The following BIRC6 variants were observed in gnomAD, a reference collection of about 807,000 sequenced individuals.
The protein encoded by BIRC6 is dual E2 ubiquitin-conjugating enzyme/E3 ubiquitin-protein ligase BIRC6.
BIRC6 carries 98 observed loss-of-function variants against 503.3 expected under a neutral mutation model. The ratio of observed to expected loss-of-function variants is 0.19; its 90% CI spans 0.17 to 0.23. The LOEUF (loss-of-function observed/expected upper bound fraction) is 0.23. Ranked by LOEUF, BIRC6 falls within the 10% of genes least tolerant of loss-of-function variation. The pLI is 1.00. For missense variants in BIRC6, 5,360 were observed against 5,806.0 expected (o/e 0.92, Z 2.50); for synonymous variants, 2,240 against 2,078.7 (o/e 1.08, Z -2.11).
chr2:32,368,482 G>T (rs955792603), intron 1 of BIRC6, among the ~76,000 whole-genome samples: 10 of 152,094 alleles, frequency 6.6e-5, no homozygotes, highest in Non-Finnish European at 1.2e-4. Context: ...AGAGGTTGCA[G>T]TGAGCTGAAA....
intron 1 of BIRC6, among the ~76,000 whole-genome samples, chr2:32,371,928 C>A (rs545989974): frequency 2.0e-5 from 3 of 152,194 alleles, no homozygotes; most frequent in African/African-American, 7.2e-5. Flanking sequence ...GCCTCAGCCT[C>A]CTGAGTAGCT....
At chr2:32,549,097 C>T in intron 64 of BIRC6, 1 of 355,568 alleles carries the variant, frequency 2.8e-6, no homozygotes, top group Non-Finnish European at 5.1e-6. Context: ...TATGTCTAGT[C>T]ATATGTAGTG....
chr2:32,607,547 A>G lies in BIRC6; in HGVS notation c.14163A>G (p.Thr4721=), dbSNP rs751041777. Residue 4721 remains threonine, a synonymous_variant, in exon 72 of 74, where the codon ACA becomes ACG. Transcript: ENST00000421745. ...YERSRGTPSG[T]QSSREYDGNI... is the part of the protein sequence containing the mutation. ...GGTCTAGAGGCACTCCCAGTGGCAC[A>G]CAGAGTTCTCGAGAATATGATGGAA... The G allele has an allele frequency of 2.5e-6, 4 of 1,613,910 alleles. No individual in the cohort carries two copies. The highest frequency in any genetic ancestry group is 1.1e-5 in the South Asian group (1 of 91,074).
chr2:32,428,172 A>G (rs547517562), intron 10 of BIRC6, among the ~76,000 whole-genome samples: 2 of 152,320 alleles, frequency 1.3e-5, no homozygotes, highest in African/African-American at 4.8e-5. Flanking sequence ...TTGCATAGGC[A>G]TAGAGGCTTA....
At chr2:32,435,264 A>T (rs2044572622) in intron 13 of BIRC6, among the ~76,000 whole-genome samples, 1 of 152,184 alleles carries the variant, frequency 6.6e-6, no homozygotes, top group Admixed American at 6.5e-5. Flanking sequence ...CTTTAGGCAA[A>T]TATTTTATTA....
intron 10 of BIRC6, among the ~76,000 whole-genome samples, chr2:32,425,434 C>CTTTTTTTTTTTTTTT (rs200528146): frequency 7.4e-6 from 1 of 134,276 alleles, no homozygotes; most frequent in Admixed American, 7.4e-5. Context: ...TCTGGTAATT[C>CTTTTTTTTTTTTTTT]TTTTTTTTTT....
intron 65 of BIRC6, among the ~76,000 whole-genome samples, chr2:32,569,378 T>A (rs994447306): frequency 6.6e-6 from 1 of 152,170 alleles, no homozygotes; most frequent in African/African-American, 2.4e-5. Flanking sequence ...ATCTTATTTT[T>A]AATTTTATTT....
intron 65 of BIRC6, chr2:32,564,890 C>G (rs553029317): frequency 6.6e-6 from 1 of 152,494 alleles, no homozygotes; most frequent in East Asian, 1.9e-4. Context: ...TTGGCTGTAG[C>G]CAGCTAGAGT....
rs114645803 is a variant in BIRC6 at position 32,569,341 on chromosome 2, G to A, written c.13145-5815G>A. 8.0e-3 allele frequency among the ~76,000 whole-genome samples: 1,221 copies of A among 151,844 alleles called. 17 individuals carry two copies. Among genetic ancestry groups the A allele is most frequent in the Non-Finnish European group, 9.0e-3 (611 of 67,880 alleles). On this transcript the variant is annotated intron_variant, in intron 65 of 73. Coordinates refer to ENST00000421745, the MANE Select transcript of BIRC6 (RefSeq NM_016252.4). ...CTTCCTTGGTTAAATATATTCCTAG[G>A]TATTTTGTTTTAGATTTTATTATTT... is the stretch of plus-strand genomic sequence containing the variant.
chr2:32,532,652 A>G (rs759121444), intron 61 of BIRC6, among the ~76,000 whole-genome samples: 1 of 152,182 alleles, frequency 6.6e-6, no homozygotes, highest in Non-Finnish European at 1.5e-5. Flanking sequence ...GCAACACACA[A>G]TAATACTTAT....
At position 32,357,265 on chromosome 2, in the gene BIRC6, C is replaced by T. The variant is rs778082885; in HGVS notation, c.104C>T (p.Ala35Val). ...AGRKMAAAAA[A>V]ASGPGCSSAA... ...CGGAAGATGGCGGCTGCGGCTGCGG[C>T]GGCCTCGGGCCCCGGCTGCTCCTCG... The change falls in exon 1 of 74, where the codon GCG (alanine) becomes GTG (valine). Residue 35 changes from alanine (A) to valine (V), a missense_variant. Coordinates refer to ENST00000421745, the MANE Select transcript of BIRC6 (RefSeq NM_016252.4). The surrounding 1 kb of genome is among the most constrained non-coding windows in gnomAD (Gnocchi z 4.9). 1.6e-4 allele frequency: 241 copies of T among 1,520,754 alleles called. No individual in the cohort carries two copies. The highest frequency in any genetic ancestry group is 1.9e-4 in the Non-Finnish European group (217 of 1,137,954). The allele number at this position is 1,520,754 out of a possible 1,614,324, so 94.2% of individuals were successfully genotyped here.
chr2:32,406,770 G>C (rs556075597), intron 9 of BIRC6, among the ~76,000 whole-genome samples: 1 of 152,132 alleles, frequency 6.6e-6, no homozygotes. Context: ...ACCTATTTGA[G>C]CCAAAGGAAT....
rs1401068848 is a variant in BIRC6 at position 32,479,596 on chromosome 2, C to T, written c.7387C>T (p.Pro2463Ser). The change falls in exon 37 of 74, where the codon CCT (proline) becomes TCT (serine). Residue 2463 changes from proline to serine, a missense_variant. By Grantham distance (74) the Pro-to-Ser change is moderately conservative. This residue lies in a region of BIRC6 where 2,299 missense variants were observed against 2,267.2 expected (regional missense o/e 1.01). Coordinates refer to ENST00000421745, the MANE Select transcript of BIRC6 (RefSeq NM_016252.4). The stretch of plus-strand genomic sequence containing the variant: ...TCAGTTGCTGGAAACTATAGATGAA[C>T]CTTTGACACATGACATAACAGGTAA... ...SVQLLETIDE[P>S]LTHDITGAPP... 5 of 1,608,260 alleles carry T rather than the reference C, an allele frequency of 3.1e-6. No homozygotes were observed. In the African/African-American group the frequency reaches 4.0e-5, roughly 13 times the overall value.
chr2:32,383,029 C>T (rs187199748), intron 3 of BIRC6, among the ~76,000 whole-genome samples: 61 of 150,900 alleles, frequency 4.0e-4, no homozygotes, highest in Non-Finnish European at 8.7e-4. Context: ...GCCTGGTCCT[C>T]AGTTTATTTA....
At position 32,614,906 on chromosome 2, in the gene BIRC6, G is replaced by T. The variant is rs574374765; in HGVS notation, c.14395-2819G>T. On this transcript the variant is annotated intron_variant, in intron 73 of 73. Coordinates refer to ENST00000421745, the MANE Select transcript of BIRC6 (RefSeq NM_016252.4). Reference sequence around the variant, plus strand: ...AATCATAGTATCCCTGTATTAGGCTGTTCTTTCTTTGCTATAAAGAAATCC... The same window carrying T: ...AATCATAGTATCCCTGTATTAGGCTTTTCTTTCTTTGCTATAAAGAAATCC... Among the ~76,000 whole-genome samples the T allele has an allele frequency of 8.5e-5, 13 of 152,256 alleles. No homozygotes were observed. In the South Asian group the frequency reaches 2.7e-3, roughly 32 times the overall value.
intron 2 of BIRC6, chr2:32,379,035 T>C (rs1303352872): frequency 6.6e-6 from 1 of 152,228 alleles, no homozygotes; most frequent in Non-Finnish European, 1.5e-5. Flanking sequence ...TTATGAAAGT[T>C]ATCAAAAAAG....
At position 32,440,751 on chromosome 2, in the gene BIRC6, TTTA is replaced by T. The variant is rs769945864; in HGVS notation, c.3811-551_3811-549del. Among the ~76,000 whole-genome samples, 778 of 147,142 alleles carry T rather than the reference TTTA, an allele frequency of 5.3e-3. 9 individuals are homozygous for T. The highest frequency in any genetic ancestry group is 0.016 in the African/African-American group (649 of 39,542). On this transcript the variant is annotated intron_variant, in intron 16 of 73. Coordinates refer to ENST00000421745, the MANE Select transcript of BIRC6 (RefSeq NM_016252.4). ...TATTTTATTTTATTGTGTTTATTTA[TTTA>T]TTATTATTATTATTATTATTATTAT...
chr2:32,522,573 C>T (rs1386661613), intron 57 of BIRC6: 1 of 151,924 alleles, frequency 6.6e-6, no homozygotes, highest in East Asian at 1.9e-4. Flanking sequence ...TGAATTTTAC[C>T]TTTAAATATG....
At chr2:32,551,311 T>G (rs1032845066) in intron 65 of BIRC6, among the ~76,000 whole-genome samples, 1 of 152,110 alleles carries the variant, frequency 6.6e-6, no homozygotes, top group African/African-American at 2.4e-5. Flanking sequence ...GAGACAGGGT[T>G]TCCCTCTGTC....
Sources: allele counts gnomAD v4.1 joint callset (sites outside exome capture counted in the v4.1 genomes callset), GRCh38; gene constraint gnomAD v4.1.1; regional missense constraint gnomAD v4.1.1; non-coding constraint Gnocchi (gnomAD v3.1); transcripts MANE v1.5; gene names NCBI Gene and HGNC (gene_info 2026-07-23, HGNC 2026-07-21).